The following OCA2 variants were observed in gnomAD, a reference collection of about 807,000 sequenced individuals.
OCA2 encodes the protein OCA2 melanosomal transmembrane protein.
A neutral mutation model predicts 100.2 loss-of-function variants in OCA2; 77 were observed. That is an observed-to-expected ratio of 0.77 (90% CI 0.64 to 0.93). The LOEUF (loss-of-function observed/expected upper bound fraction) is 0.93, where lower values mean the gene tolerates loss of function less well. Among genes scored for constraint, OCA2 ranks in the 40% least tolerant of loss-of-function variants. The pLI is 0.00. For missense variants in OCA2, 1,062 were observed against 1,089.1 expected (o/e 0.98, Z 0.35); for synonymous variants, 432 against 439.2 (o/e 0.98, Z 0.21).
At chr15:27,880,784 T>C (rs912053496) in intron 19 of OCA2, among the ~76,000 whole-genome samples, 17 of 152,188 alleles carry the variant, frequency 1.1e-4, no homozygotes, top group Admixed American at 1.0e-3. Flanking sequence ...TTTCTAGACA[T>C]AGGATCATGT....
intron 4 of OCA2, among the ~76,000 whole-genome samples, chr15:28,026,493 G>A (rs761364450): frequency 2.0e-5 from 3 of 152,172 alleles, no homozygotes; most frequent in Non-Finnish European, 2.9e-5. Flanking sequence ...GAGGGGGGCT[G>A]AGACCCCTTC....
intron 2 of OCA2, among the ~76,000 whole-genome samples, chr15:28,078,027 C>T (rs568638499): frequency 1.1e-4 from 16 of 152,276 alleles, no homozygotes; most frequent in African/African-American, 3.6e-4. Flanking sequence ...TGCAGTGAGC[C>T]GAGATTGCAC....
intron 1 of OCA2, among the ~76,000 whole-genome samples, chr15:28,088,308 G>A (rs1383773109): frequency 6.6e-6 from 1 of 152,164 alleles, no homozygotes; most frequent in East Asian, 1.9e-4. Flanking sequence ...TGTATGCAGA[G>A]GGAATCATCA....
chr15:27,937,145 G>C (rs2039485006), intron 18 of OCA2, among the ~76,000 whole-genome samples: 1 of 152,124 alleles, frequency 6.6e-6, no homozygotes, highest in African/African-American at 2.4e-5. Flanking sequence ...AAATGTGCCT[G>C]TTTCTGAGTT....
intron 15 of OCA2, among the ~76,000 whole-genome samples, chr15:27,958,616 TAGAGA>T (rs2040310048): frequency 6.6e-6 from 1 of 152,190 alleles, no homozygotes; most frequent in South Asian, 2.1e-4. Context: ...CACCTTCTGA[TAGAGA>T]AGAGTAGAGA....
chr15:27,908,897 G>T (rs535127479), intron 19 of OCA2, among the ~76,000 whole-genome samples: 2 of 152,250 alleles, frequency 1.3e-5, no homozygotes, highest in African/African-American at 4.8e-5. Flanking sequence ...ACAGTAAACT[G>T]TCCTTATTAG....
intron 19 of OCA2, chr15:27,895,902 C>T (rs1375281418): frequency 5.0e-6 from 3 of 595,516 alleles, no homozygotes; most frequent in African/African-American, 1.8e-5. Flanking sequence ...GTTGCTTATG[C>T]CCGTACAGAA....
rs1371933501 is a variant in OCA2 at position 27,972,878 on chromosome 15, A to ATTTTT, written c.1504-6061_1504-6057dup. On this transcript the variant is annotated intron_variant, in intron 14 of 23. Transcript: ENST00000354638. ...ATTTTATTTTATTTTATTTTATTTT[A>ATTTTT]TTTTTGTGACAGAGTCTCTCTTTCT... is the stretch of plus-strand genomic sequence containing the variant. Among the ~76,000 whole-genome samples the ATTTTT allele has an allele frequency of 2.1e-3, 76 of 36,636 alleles. 2 individuals carry two copies. The highest frequency in any genetic ancestry group is 4.1e-3 in the African/African-American group (76 of 18,418). 24.0% of individuals were successfully genotyped at this position (36,636 alleles called of 152,430 possible).
In OCA2 at chr15:28,098,575, G is replaced by A. The variant is rs569585725; in HGVS notation, c.-22+649C>T. 1.2e-4 allele frequency among the ~76,000 whole-genome samples: 18 copies of A among 152,332 alleles called. No individual in the cohort carries two copies. The South Asian group carries it at 3.5e-3, about 30-fold the overall frequency. On this transcript the variant is annotated intron_variant, in intron 1 of 23. Coordinates refer to ENST00000354638, the MANE Select transcript of OCA2 (RefSeq NM_000275.3). ...GCTCCTCAAAGTGCACTGCACATTA[G>A]AGTCACCTGGGGAGCTTCACCGCCG...
intron 2 of OCA2, among the ~76,000 whole-genome samples, chr15:28,037,619 T>C (rs909515324): frequency 1.3e-5 from 2 of 152,208 alleles, no homozygotes; most frequent in Non-Finnish European, 2.9e-5. Context: ...ATAACAACCA[T>C]GGTCATTTAA....
chr15:27,948,745 C>T (rs986263258), intron 18 of OCA2, among the ~76,000 whole-genome samples: 2 of 152,214 alleles, frequency 1.3e-5, no homozygotes, highest in East Asian at 3.8e-4. Flanking sequence ...GGATTACGGG[C>T]ATGAGCCACT....
At chr15:27,903,481 G>A (rs1163274796) in intron 19 of OCA2, among the ~76,000 whole-genome samples, 3 of 152,122 alleles carry the variant, frequency 2.0e-5, no homozygotes, top group Non-Finnish European at 4.4e-5. Flanking sequence ...CTTTCTTTTT[G>A]TTTTGTTTTT....
chr15:28,085,653 A>T (rs534758787), intron 1 of OCA2, among the ~76,000 whole-genome samples: 1 of 115,078 alleles, frequency 8.7e-6, no homozygotes, highest in East Asian at 2.5e-4. Flanking sequence ...ACCTGCTCCC[A>T]CCCCCGCCCA....
chr15:27,825,339 C>G (rs1031642480), intron 23 of OCA2, among the ~76,000 whole-genome samples: 3 of 152,098 alleles, frequency 2.0e-5, no homozygotes, highest in Non-Finnish European at 4.4e-5. Flanking sequence ...CTGAAGGGCT[C>G]CCCCCTTGTA....
the OCA2 span, among the ~76,000 whole-genome samples, chr15:27,722,728 TTTCTTTCTTTC>T: frequency 4.6e-5 from 2 of 43,616 alleles, no homozygotes; most frequent in Non-Finnish European, 8.2e-5. Context: ...CTCTTTCTTC[TTTCTTTCTTTC>T]TTCTTTCTTC....
intron 23 of OCA2, among the ~76,000 whole-genome samples, chr15:27,798,058 G>A (rs1263422671): frequency 3.9e-5 from 6 of 152,258 alleles, no homozygotes; most frequent in Admixed American, 2.0e-4. Flanking sequence ...AGAGGGTTAC[G>A]TGTGACATGC....
At chr15:27,820,986 T>C (rs2034481287) in intron 23 of OCA2, among the ~76,000 whole-genome samples, 1 of 152,158 alleles carries the variant, frequency 6.6e-6, no homozygotes, top group African/African-American at 2.4e-5. Flanking sequence ...ACTGTTCTCC[T>C]TGGAGGGAGG....
the OCA2 span, among the ~76,000 whole-genome samples, chr15:27,740,668 C>T: frequency 2.0e-5 from 3 of 152,140 alleles, no homozygotes; most frequent in African/African-American, 4.8e-5. Flanking sequence ...TGAACAAGTG[C>T]TTATTAAATA....
the OCA2 span, among the ~76,000 whole-genome samples, chr15:27,719,723 G>A: frequency 1.3e-5 from 2 of 152,142 alleles, no homozygotes; most frequent in African/African-American, 2.4e-5. Context: ...ATACCACAAA[G>A]TGAGTAATTT....
Sources: gnomAD v4.1 joint callset for allele counts (sites outside exome capture counted in the v4.1 genomes callset) on GRCh38, gnomAD v4.1.1 for gene constraint, MANE v1.5 for transcripts, NCBI Gene and HGNC (gene_info 2026-07-23, HGNC 2026-07-21) for gene names.